Variants in TMPRSS11E observed in about 807,000 individuals in gnomAD.
TMPRSS11E encodes the protein transmembrane serine protease 11E.
Under a neutral mutation model 48.1 loss-of-function variants are expected in TMPRSS11E, and 38 were observed. That is an observed-to-expected ratio of 0.79 (90% CI 0.61 to 1.04). The LOEUF (loss-of-function observed/expected upper bound fraction) is 1.04, where lower values mean the gene tolerates loss of function less well. Ranked by LOEUF, TMPRSS11E falls within the 50% of genes least tolerant of loss-of-function variation. The pLI is 0.00. For missense variants in TMPRSS11E, 530 were observed against 510.8 expected (o/e 1.04, Z -0.36); for synonymous variants, 158 against 171.9 (o/e 0.92, Z 0.63).
At chr4:68,454,413 A>G (rs1324978483) in intron 1 of TMPRSS11E, among the ~76,000 whole-genome samples, 1 of 151,968 alleles carries the variant, frequency 6.6e-6, no homozygotes, top group Non-Finnish European at 1.5e-5. Context: ...TTATTTCACT[A>G]TGTTATTATT....
chr4:68,477,328 C>A, intron 7 of TMPRSS11E, 41 bp from the exon 8 acceptor site: 1 of 1,555,044 alleles, frequency 6.4e-7, no homozygotes. Context: ...CGACTGGTAG[C>A]ATGGTAAAAA....
chr4:68,463,147 C>T (rs2109675886), intron 2 of TMPRSS11E, among the ~76,000 whole-genome samples: 1 of 152,254 alleles, frequency 6.6e-6, no homozygotes, highest in East Asian at 1.9e-4. Context: ...CTCTACTATC[C>T]ACGCAAGTAT....
At chr4:68,486,219 A>G (rs2708680) in intron 9 of TMPRSS11E, among the ~76,000 whole-genome samples, 100,537 of 151,994 alleles carry the variant, frequency 0.66, 33,638 homozygotes, top group East Asian at 0.86. Flanking sequence ...CTAGTTCCTC[A>G]AGGTGTGATG....
chr4:68,455,857 G>T, intron 1 of TMPRSS11E, among the ~76,000 whole-genome samples: 1 of 151,974 alleles, frequency 6.6e-6, no homozygotes, highest in Non-Finnish European at 1.5e-5. Flanking sequence ...GAACTAAAAA[G>T]AGTTTGAGGA....
intron 1 of TMPRSS11E, among the ~76,000 whole-genome samples, chr4:68,449,527 G>A (rs1578128981): frequency 6.6e-6 from 1 of 151,690 alleles, no homozygotes; most frequent in Non-Finnish European, 1.5e-5. Context: ...TTACCTAATA[G>A]GGTAAGCACT....
chr4:68,464,985 G>A lies in TMPRSS11E; in HGVS notation c.137-1646G>A, dbSNP rs1236919854. Among the ~76,000 whole-genome samples, 4 of 152,204 alleles carry A rather than the reference G, an allele frequency of 2.6e-5. No homozygotes were observed. In the East Asian group the frequency reaches 7.7e-4, roughly 29 times the overall value. ...CTAGAAGAATGGATACAACTCCACAGAGAGTTATAGTTAACTATGAGGCAG... is the reference window on the plus strand; with the variant it reads ...CTAGAAGAATGGATACAACTCCACAAAGAGTTATAGTTAACTATGAGGCAG... On this transcript the variant is annotated intron_variant, in intron 2 of 9. Transcript: ENST00000305363.
intron 9 of TMPRSS11E, among the ~76,000 whole-genome samples, chr4:68,483,726 G>A (rs1560558161): frequency 6.6e-6 from 1 of 152,170 alleles, no homozygotes; most frequent in African/African-American, 2.4e-5. Context: ...GTCCAGAATG[G>A]TAGTTCCTAG....
intron 9 of TMPRSS11E, among the ~76,000 whole-genome samples, chr4:68,485,679 G>A (rs1209143260): frequency 1.3e-5 from 2 of 152,128 alleles, no homozygotes; most frequent in African/African-American, 2.4e-5. Flanking sequence ...GTGTTAGGGA[G>A]GCTTCTCTTT....
chr4:68,494,907 T>C (rs1729825426), intron 9 of TMPRSS11E, among the ~76,000 whole-genome samples: 1 of 152,174 alleles, frequency 6.6e-6, no homozygotes, highest in Admixed American at 6.6e-5. Flanking sequence ...GATACAAAGC[T>C]AGGATACATC....
At chr4:68,484,757 A>T (rs1020163068) in intron 9 of TMPRSS11E, among the ~76,000 whole-genome samples, 1 of 152,158 alleles carries the variant, frequency 6.6e-6, no homozygotes, top group Admixed American at 6.5e-5. Flanking sequence ...CTAAGATGTT[A>T]ATGTTGTATA....
At chr4:68,466,824 T>G in intron 3 of TMPRSS11E, 72 bp downstream of exon 3, 4 of 1,585,200 alleles carry the variant, frequency 2.5e-6, no homozygotes, top group African/African-American at 1.4e-5. Flanking sequence ...TCCTAGCTTC[T>G]AAAAGATCCA....
rs28773264 is a variant in TMPRSS11E at position 68,485,721 on chromosome 4, T to C, written c.1110+6730T>C. Among the ~76,000 whole-genome samples, 551 of 152,288 alleles carry C rather than the reference T, an allele frequency of 3.6e-3. 6 individuals are homozygous for C. The highest frequency in any genetic ancestry group is 0.013 in the African/African-American group (525 of 41,572). On this transcript the variant is annotated intron_variant, in intron 9 of 9. Coordinates refer to ENST00000305363, the MANE Select transcript of TMPRSS11E (RefSeq NM_014058.4). The stretch of plus-strand genomic sequence containing the variant: ...AATTTTGGGAGTATTTTCAATATAA[T>C]TGGTACCAGCTCTTCTTTATATATC...
intron 1 of TMPRSS11E, among the ~76,000 whole-genome samples, chr4:68,460,186 A>G (rs148038252): frequency 2.0e-4 from 31 of 152,274 alleles, no homozygotes; most frequent in African/African-American, 7.5e-4. Flanking sequence ...ACAGGATTAT[A>G]CAGCGATGAT....
At chr4:68,455,990 G>A (rs1728618549) in intron 1 of TMPRSS11E, among the ~76,000 whole-genome samples, 1 of 151,934 alleles carries the variant, frequency 6.6e-6, no homozygotes, top group Non-Finnish European at 1.5e-5. Flanking sequence ...GTATGTAGTT[G>A]CAAATTTCTA....
intron 9 of TMPRSS11E, among the ~76,000 whole-genome samples, chr4:68,485,135 G>A (rs1176002198): frequency 6.6e-6 from 1 of 151,848 alleles, no homozygotes; most frequent in Non-Finnish European, 1.5e-5. Flanking sequence ...TGCCTAGTTA[G>A]TTCAAGGTTT....
At chr4:68,489,933 T>C (rs1729669101) in intron 9 of TMPRSS11E, among the ~76,000 whole-genome samples, 1 of 152,210 alleles carries the variant, frequency 6.6e-6, no homozygotes, top group Non-Finnish European at 1.5e-5. Context: ...GCCATTCTCA[T>C]GCCAAACCCT....
At chr4:68,483,248 CGA>C (rs368920205) in intron 9 of TMPRSS11E, among the ~76,000 whole-genome samples, 99,430 of 150,612 alleles carry the variant, frequency 0.66, 33,133 homozygotes, top group East Asian at 0.86. Context: ...AAAGCAGGAG[CGA>C]GAGAGAGAGA....
At chr4:68,480,517 C>T (rs1729373477) in intron 9 of TMPRSS11E, among the ~76,000 whole-genome samples, 1 of 151,854 alleles carries the variant, frequency 6.6e-6, no homozygotes. Context: ...TTGACACTTC[C>T]TATTTCTTTT....
chr4:68,469,037 A>G (rs1728994787), intron 4 of TMPRSS11E, 91 bp downstream of exon 4: 2 of 1,026,120 alleles, frequency 1.9e-6, no homozygotes, highest in African/African-American at 1.6e-5. Context: ...TTAAAGATAT[A>G]ATTCAATCCA....
Sources: gnomAD v4.1 joint callset for allele counts (sites outside exome capture counted in the v4.1 genomes callset) on GRCh38, gnomAD v4.1.1 for gene constraint, MANE v1.5 for transcripts, NCBI Gene and HGNC (gene_info 2026-07-23, HGNC 2026-07-21) for gene names.